The following SGMS1 variants were observed in gnomAD, a reference collection of about 807,000 sequenced individuals.
The protein encoded by SGMS1 is sphingomyelin synthase 1.
Under a neutral mutation model 46.2 loss-of-function variants are expected in SGMS1, and 13 were observed. The observed-to-expected ratio is 0.28, with a 90% CI of 0.18 to 0.45. The LOEUF (loss-of-function observed/expected upper bound fraction) is 0.45, where lower values mean the gene tolerates loss of function less well. SGMS1 is among the 20% of genes least tolerant of loss of function. The probability of loss-of-function intolerance (pLI) is 1.00; values close to 1 mark genes in which losing one functional copy is unlikely to be tolerated. For missense variants in SGMS1, 324 were observed against 519.9 expected (o/e 0.62, Z 3.66); for synonymous variants, 203 against 187.8 (o/e 1.08, Z -0.66).
intron 6 of SGMS1, among the ~76,000 whole-genome samples, chr10:50,360,952 A>G (rs1848237734): frequency 6.6e-6 from 1 of 152,214 alleles, no homozygotes; most frequent in South Asian, 2.1e-4. Context: ...GTGCTTTACT[A>G]TCCTCTGCTT....
chr10:50,435,630 G>A (rs1588822713), intron 5 of SGMS1, among the ~76,000 whole-genome samples: 1 of 152,060 alleles, frequency 6.6e-6, no homozygotes, highest in South Asian at 2.1e-4. Context: ...TTTTGATGAT[G>A]AATTCCTGAA....
chr10:50,321,967 G>T (rs763823686), intron 8 of SGMS1, among the ~76,000 whole-genome samples: 1 of 152,182 alleles, frequency 6.6e-6, no homozygotes, highest in Admixed American at 6.5e-5. Context: ...TCTGTGCATT[G>T]CAGAAAAGCT....
chr10:50,345,167 T>C (rs1010480857), intron 6 of SGMS1, among the ~76,000 whole-genome samples: 2 of 152,028 alleles, frequency 1.3e-5, no homozygotes, highest in African/African-American at 4.8e-5. Flanking sequence ...CATATGTGCT[T>C]AGGTCCCAAA....
chr10:50,315,968 A>C (rs1847330966), intron 8 of SGMS1, among the ~76,000 whole-genome samples: 1 of 152,226 alleles, frequency 6.6e-6, no homozygotes, highest in Non-Finnish European at 1.5e-5. Flanking sequence ...AAGGCTTTTG[A>C]ATGAGACACA....
chr10:50,620,908 G>A (rs184453473), intron 1 of SGMS1, among the ~76,000 whole-genome samples: 1 of 152,264 alleles, frequency 6.6e-6, no homozygotes, highest in Admixed American at 6.5e-5. Flanking sequence ...ATACTGCTAG[G>A]TGCAGTGACT....
intron 6 of SGMS1, among the ~76,000 whole-genome samples, chr10:50,372,807 C>T (rs530893991): frequency 6.6e-6 from 1 of 152,206 alleles, no homozygotes; most frequent in South Asian, 2.1e-4. Flanking sequence ...AATCAGTGAG[C>T]CCTACTGGCC....
intron 7 of SGMS1, among the ~76,000 whole-genome samples, chr10:50,336,583 A>G (rs929324217): frequency 1.3e-5 from 2 of 152,200 alleles, no homozygotes; most frequent in Non-Finnish European, 2.9e-5. Flanking sequence ...CATAAAATAT[A>G]TAATTAAAAA....
chr10:50,567,425 A>G (rs1210553455), intron 2 of SGMS1, among the ~76,000 whole-genome samples: 1 of 152,234 alleles, frequency 6.6e-6, no homozygotes, highest in Non-Finnish European at 1.5e-5. Flanking sequence ...TGCAACCCAC[A>G]GACAGGTTTG....
rs1412598508 is a variant in SGMS1, at chr10:50,400,457, A to AT, written c.-232+33018dup. Among the ~76,000 whole-genome samples, 14 of 102,760 alleles carry AT rather than the reference A, an allele frequency of 1.4e-4. 1 individual carries two copies. Among genetic ancestry groups the AT allele is most frequent in the East Asian group, 5.8e-4 (2 of 3,478 alleles). 67.4% of individuals were successfully genotyped at this position (102,760 alleles called of 152,430 possible). A position where few individuals can be genotyped will look rare whatever the true frequency, so the allele number is the denominator to read the frequency against. On this transcript the variant is annotated intron_variant, in intron 6 of 10. Transcript: ENST00000361781. ...TATATATATATATATATATATAGCT[A>AT]TTTTTTTTAAGAGACAAGGTTCTCG...
intron 2 of SGMS1, among the ~76,000 whole-genome samples, chr10:50,573,266 AT>A (rs1838351556): frequency 6.6e-6 from 1 of 152,214 alleles, no homozygotes; most frequent in Non-Finnish European, 1.5e-5. Flanking sequence ...TATAAAAGGT[AT>A]CCAATGTAAA....
intron 1 of SGMS1, among the ~76,000 whole-genome samples, chr10:50,594,299 C>G (rs1336690275): frequency 1.3e-5 from 2 of 152,170 alleles, no homozygotes; most frequent in Non-Finnish European, 2.9e-5. Context: ...GGGTATAAGT[C>G]AAATTTGATT....
chr10:50,387,299 C>G (rs1848696840), intron 6 of SGMS1, among the ~76,000 whole-genome samples: 1 of 152,180 alleles, frequency 6.6e-6, no homozygotes, highest in African/African-American at 2.4e-5. Context: ...ACTTCCCCTG[C>G]TCACTCCCTA....
intron 3 of SGMS1, among the ~76,000 whole-genome samples, chr10:50,491,272 G>A (rs920640067): frequency 2.6e-5 from 4 of 152,120 alleles, no homozygotes; most frequent in South Asian, 2.1e-4. Flanking sequence ...GAGGATCCTC[G>A]AGCCCCACAG....
chr10:50,323,058 C>G (rs1017040171), intron 8 of SGMS1, among the ~76,000 whole-genome samples: 5 of 152,156 alleles, frequency 3.3e-5, no homozygotes, highest in Non-Finnish European at 7.4e-5. Context: ...TTCCTTTTCC[C>G]AGTGGCTTAT....
chr10:50,427,699 T>C (rs1360595975), intron 6 of SGMS1, among the ~76,000 whole-genome samples: 1 of 152,204 alleles, frequency 6.6e-6, no homozygotes, highest in Non-Finnish European at 1.5e-5. Context: ...CAACATTGTC[T>C]ACCTTGTTGG....
intron 3 of SGMS1, among the ~76,000 whole-genome samples, chr10:50,505,205 G>A (rs1837696495): frequency 6.6e-6 from 1 of 152,118 alleles, no homozygotes; most frequent in Non-Finnish European, 1.5e-5. Flanking sequence ...AACAGAGTGA[G>A]ACCCTGTCTC....
intron 3 of SGMS1, among the ~76,000 whole-genome samples, chr10:50,502,608 A>G (rs974612529): frequency 6.6e-6 from 1 of 152,216 alleles, no homozygotes; most frequent in Non-Finnish European, 1.5e-5. Context: ...AAATTTTAGT[A>G]TTCTACTCTT....
chr10:50,550,842 G>A (rs954955202), intron 2 of SGMS1, among the ~76,000 whole-genome samples: 2 of 152,140 alleles, frequency 1.3e-5, no homozygotes, highest in East Asian at 1.9e-4. Context: ...AAGAACTCCC[G>A]AAGGCCAAAG....
At chr10:50,595,767 T>C (rs969397605) in intron 1 of SGMS1, among the ~76,000 whole-genome samples, 5 of 152,068 alleles carry the variant, frequency 3.3e-5, no homozygotes, top group Non-Finnish European at 7.4e-5. Context: ...AGATGCCATA[T>C]TGGGGGAAGG....
Sources: allele counts gnomAD v4.1 joint callset (sites outside exome capture counted in the v4.1 genomes callset), GRCh38; gene constraint gnomAD v4.1.1; transcripts MANE v1.5; gene names NCBI Gene and HGNC (gene_info 2026-07-23, HGNC 2026-07-21).